TBL1XR1: variants seen among roughly 807,000 people sequenced by gnomAD.
The protein encoded by TBL1XR1 is F-box-like/WD repeat-containing protein TBL1XR1.
A neutral mutation model predicts 66.9 loss-of-function variants in TBL1XR1; 5 were observed. The observed-to-expected ratio is 0.07, with a 90% confidence interval of 0.04 to 0.16. TBL1XR1 has a LOEUF of 0.16. Among genes scored for constraint, TBL1XR1 ranks in the 10% least tolerant of loss-of-function variants. The pLI is 1.00. For missense variants in TBL1XR1, 238 were observed against 623.2 expected (o/e 0.38, Z 6.58); for synonymous variants, 210 against 206.0 (o/e 1.02, Z -0.17).
chr3:177,079,991 T>TA (rs1721197697), intron 2 of TBL1XR1: 1 of 152,138 alleles, frequency 6.6e-6, no homozygotes, highest in Non-Finnish European at 1.5e-5. Flanking sequence ...AGGGCTCCTC[T>TA]AGCTTTAACA....
At chr3:177,151,527 C>T (rs1416168154) in intron 1 of TBL1XR1, among the ~76,000 whole-genome samples, 2 of 152,114 alleles carry the variant, frequency 1.3e-5, no homozygotes, top group South Asian at 2.1e-4. Context: ...CTAACTAATG[C>T]CTGATGAAAC....
At chr3:177,125,550 T>C (rs1727511721) in intron 1 of TBL1XR1, among the ~76,000 whole-genome samples, 1 of 152,214 alleles carries the variant, frequency 6.6e-6, no homozygotes, top group Non-Finnish European at 1.5e-5. Flanking sequence ...AAACATTTAG[T>C]ATAAAACTGA....
rs1216922302 is a variant in TBL1XR1 at position 177,197,259 on chromosome 3, C to A, written c.-260G>T. ...CGGGGGGTGAGAGGCAATTATAACC[C>A]CAGCGAGCGGAGGGCGCGGGGGATG... On this transcript the variant is annotated 5_prime_UTR_variant, in exon 1 of 16. Coordinates refer to ENST00000457928, the MANE Select transcript of TBL1XR1 (RefSeq NM_024665.7). 6.6e-6 allele frequency: 1 copy of A among 151,492 alleles called. No individual in the cohort carries two copies. Among genetic ancestry groups the A allele is most frequent in the East Asian group, 1.9e-4 (1 of 5,142 alleles). The allele number at this position is 151,492 out of a possible 1,614,324, so 9.4% of individuals were successfully genotyped here. A position where few individuals can be genotyped will look rare whatever the true frequency, so the allele number is the denominator to read the frequency against.
At chr3:177,043,042 A>C (rs992723432) in intron 10 of TBL1XR1, among the ~76,000 whole-genome samples, 6 of 152,230 alleles carry the variant, frequency 3.9e-5, no homozygotes, top group South Asian at 4.2e-4. Context: ...TTCTAACTTA[A>C]TTTTGATTTC....
At position 177,050,232 on chromosome 3, in the gene TBL1XR1, T is replaced by C. The variant is rs1716872092; in HGVS notation, c.561-94A>G. The C allele has an allele frequency of 2.8e-6, 4 of 1,433,734 alleles. No homozygotes were observed. The East Asian group carries it at 9.2e-5, about 33-fold the overall frequency. The allele number at this position is 1,433,734 out of a possible 1,614,324, so 88.8% of individuals were successfully genotyped here. A position where few individuals can be genotyped will look rare whatever the true frequency, so the allele number is the denominator to read the frequency against. The stretch of plus-strand genomic sequence containing the variant: ...TACATCTGAATATTAATAAGGCAAA[T>C]AAAAACGACTATCACGAATTTTCAT... On this transcript the variant is annotated intron_variant, in intron 6 of 15. Transcript: ENST00000457928.
chr3:177,069,784 A>AAGGAAGGG (rs781727707), intron 2 of TBL1XR1, among the ~76,000 whole-genome samples: 33 of 39,558 alleles, frequency 8.3e-4, no homozygotes, highest in African/African-American at 5.2e-3. Context: ...AAAGGAAGGA[A>AAGGAAGGG]AAGGAAGGAA....
chr3:177,070,848 A>T (rs1055385133), intron 2 of TBL1XR1, among the ~76,000 whole-genome samples: 8 of 137,926 alleles, frequency 5.8e-5, no homozygotes, highest in African/African-American at 2.2e-4. Context: ...TCCGTCTCAA[A>T]AAAAAAATAA....
At chr3:177,080,388 G>A (rs1308754299) in intron 2 of TBL1XR1, among the ~76,000 whole-genome samples, 1 of 152,092 alleles carries the variant, frequency 6.6e-6, no homozygotes, top group Non-Finnish European at 1.5e-5. Flanking sequence ...TACTTTAAGT[G>A]ATAAAGTGCC....
At chr3:177,084,712 A>C (rs11915541) in intron 2 of TBL1XR1, among the ~76,000 whole-genome samples, 17,977 of 152,212 alleles carry the variant, frequency 0.12, 1,215 homozygotes, top group African/African-American at 0.16. Context: ...GTGCAATGTT[A>C]GTTCTGAACA....
chr3:177,122,345 A>G (rs905844863), intron 1 of TBL1XR1, among the ~76,000 whole-genome samples: 1 of 152,012 alleles, frequency 6.6e-6, no homozygotes, highest in African/African-American at 2.4e-5. Flanking sequence ...TTCAGTTAAG[A>G]ATGTCACGCC....
At chr3:177,056,582 T>A (rs766032631) in intron 3 of TBL1XR1, among the ~76,000 whole-genome samples, 2 of 152,198 alleles carry the variant, frequency 1.3e-5, no homozygotes, top group African/African-American at 4.8e-5. Flanking sequence ...TGCTTAAATG[T>A]TGAATTCAAC....
At chr3:177,071,047 T>TC (rs1719930510) in intron 2 of TBL1XR1, among the ~76,000 whole-genome samples, 4 of 148,854 alleles carry the variant, frequency 2.7e-5, no homozygotes, top group Admixed American at 2.7e-4. Flanking sequence ...TTTTTTTTTT[T>TC]TGAGACAGAG....
rs200431931 is a variant in TBL1XR1 at position 177,105,771 on chromosome 3, C to CCACCCCA, written c.-121-7231_-121-7230insTGGGGTG. 4.2e-3 allele frequency among the ~76,000 whole-genome samples: 633 copies of CCACCCCA among 152,042 alleles called. 4 individuals are homozygous for CCACCCCA. The highest frequency in any genetic ancestry group is 0.015 in the African/African-American group (611 of 41,478). On this transcript the variant is annotated intron_variant, in intron 1 of 15. Transcript: ENST00000457928. ...CACTTGCATTTAAAATCCTCCCCAC[C>CCACCCCA]CACCCCGTGTCAGTGTGTGGGTGTG...
At chr3:177,121,345 TTTTA>T (rs1453634504) in intron 1 of TBL1XR1, among the ~76,000 whole-genome samples, 2 of 152,220 alleles carry the variant, frequency 1.3e-5, no homozygotes, top group East Asian at 3.8e-4. Flanking sequence ...TTCATTATTC[TTTTA>T]TTATTTTCAA....
intron 1 of TBL1XR1, among the ~76,000 whole-genome samples, chr3:177,146,225 T>C (rs1434104249): frequency 6.6e-6 from 1 of 152,124 alleles, no homozygotes; most frequent in Non-Finnish European, 1.5e-5. Context: ...ATTTGGCTTG[T>C]ACAGCAGTAC....
intron 1 of TBL1XR1, among the ~76,000 whole-genome samples, chr3:177,166,887 C>T (rs1419143559): frequency 6.6e-6 from 1 of 152,190 alleles, no homozygotes; most frequent in Non-Finnish European, 1.5e-5. Context: ...GACTCTCATT[C>T]ATTGCTGGTG....
At position 177,025,031 on chromosome 3, in the gene TBL1XR1, CAAG is replaced by C. The variant is rs1284017743; in HGVS notation, c.*464_*466del. On this transcript the variant is annotated 3_prime_UTR_variant, in exon 16 of 16. Coordinates refer to ENST00000457928, the MANE Select transcript of TBL1XR1 (RefSeq NM_024665.7). ...CTAAACCAAAAACGAAATTTTAAAG[CAAG>C]AACAAACTACTGCTGCAAGTTTTTG... 1 of 156,960 alleles carries C rather than the reference CAAG, an allele frequency of 6.4e-6. No individual in the cohort carries two copies. The highest frequency in any genetic ancestry group is 1.4e-5 in the Non-Finnish European group (1 of 71,108). The allele number at this position is 156,960 out of a possible 1,614,324, so 9.7% of individuals were successfully genotyped here. A position where few individuals can be genotyped will look rare whatever the true frequency, so the allele number is the denominator to read the frequency against.
chr3:177,111,144 C>G (rs890811547), intron 1 of TBL1XR1, among the ~76,000 whole-genome samples: 43 of 152,048 alleles, frequency 2.8e-4, no homozygotes, highest in African/African-American at 1.0e-3. Flanking sequence ...TGCACCTCTC[C>G]CTACTATCAT....
At chr3:177,037,874 C>G (rs931440301) in intron 12 of TBL1XR1, 2 of 477,080 alleles carry the variant, frequency 4.2e-6, no homozygotes, top group Non-Finnish European at 7.6e-6. Flanking sequence ...CATTGTATCA[C>G]AAGCCATCAT....
Sources: allele counts gnomAD v4.1 joint callset (sites outside exome capture counted in the v4.1 genomes callset), GRCh38; gene constraint gnomAD v4.1.1; transcripts MANE v1.5; gene names NCBI Gene and HGNC (gene_info 2026-07-23, HGNC 2026-07-21).